The following FBXW7 variants were observed in gnomAD, a reference collection of about 807,000 sequenced individuals.
The protein encoded by FBXW7 is F-box and WD repeat domain containing 7, also known as F-box/WD repeat-containing protein 7.
Under a neutral mutation model 86.3 loss-of-function variants are expected in FBXW7, and 11 were observed. The ratio of observed to expected loss-of-function variants is 0.13; its 90% confidence interval spans 0.08 to 0.21. The LOEUF (loss-of-function observed/expected upper bound fraction) is 0.21. Among genes scored for constraint, FBXW7 ranks in the 10% least tolerant of loss-of-function variants. The pLI is 1.00. For synonymous variants in FBXW7, 313 were observed against 297.9 expected (o/e 1.05, Z -0.52); for missense variants, 488 against 847.4 (o/e 0.58, Z 5.27).
chr4:152,332,985 T>C (rs1239293029), intron 7 of FBXW7, among the ~76,000 whole-genome samples: 2 of 152,084 alleles, frequency 1.3e-5, no homozygotes, highest in African/African-American at 4.8e-5. Context: ...GTCTCTGCTC[T>C]TGCCTTTACT....
At chr4:152,506,138 T>C (rs977699050) in intron 2 of FBXW7, among the ~76,000 whole-genome samples, 4 of 152,160 alleles carry the variant, frequency 2.6e-5, no homozygotes, top group Non-Finnish European at 4.4e-5. Flanking sequence ...GTATGTGCTA[T>C]ACTTTTTTTT....
intron 2 of FBXW7, among the ~76,000 whole-genome samples, chr4:152,474,412 T>C (rs1181507685): frequency 2.6e-5 from 4 of 152,228 alleles, no homozygotes; most frequent in African/African-American, 7.2e-5. Flanking sequence ...GGTAGAAAAG[T>C]TGTAGCCAGC....
At chr4:152,441,412 CTT>C (rs1451675048) in intron 2 of FBXW7, among the ~76,000 whole-genome samples, 1 of 152,126 alleles carries the variant, frequency 6.6e-6, no homozygotes, top group African/African-American at 2.4e-5. Flanking sequence ...AATCTTGTCT[CTT>C]TGTTAATATT....
intron 2 of FBXW7, among the ~76,000 whole-genome samples, chr4:152,494,177 G>A (rs1746103269): frequency 6.6e-6 from 1 of 152,170 alleles, no homozygotes; most frequent in African/African-American, 2.4e-5. Flanking sequence ...ATAAGGTACT[G>A]CAGAGAAAGG....
intron 4 of FBXW7, among the ~76,000 whole-genome samples, chr4:152,350,345 G>C (rs1731686159): frequency 6.6e-6 from 1 of 151,426 alleles, no homozygotes; most frequent in Admixed American, 6.6e-5. Flanking sequence ...TTATCCAGAA[G>C]AACAGTGTGT....
chr4:152,502,976 T>C (rs1747096655), intron 2 of FBXW7, among the ~76,000 whole-genome samples: 1 of 152,214 alleles, frequency 6.6e-6, no homozygotes, highest in Non-Finnish European at 1.5e-5. Flanking sequence ...TTAACAAATC[T>C]GGGCTTGTAA....
intron 2 of FBXW7, among the ~76,000 whole-genome samples, chr4:152,467,840 C>T (rs1223123244): frequency 6.6e-6 from 1 of 152,144 alleles, no homozygotes; most frequent in African/African-American, 2.4e-5. Flanking sequence ...TAAAACTTTT[C>T]TGCTTCAAAG....
chr4:152,430,481 G>C (rs1211453511), intron 2 of FBXW7, among the ~76,000 whole-genome samples: 1 of 151,250 alleles, frequency 6.6e-6, no homozygotes, highest in Non-Finnish European at 1.5e-5. Context: ...TGTACATACA[G>C]AAGGTCTTTA....
chr4:152,490,271 TG>T (rs915225618), intron 2 of FBXW7, among the ~76,000 whole-genome samples: 12 of 152,244 alleles, frequency 7.9e-5, no homozygotes, highest in Admixed American at 2.0e-4. Context: ...CAAAATATTG[TG>T]AATGTACTTG....
At chr4:152,521,531 GAT>G (rs993547781) in intron 2 of FBXW7, among the ~76,000 whole-genome samples, 3 of 152,154 alleles carry the variant, frequency 2.0e-5, no homozygotes, top group Non-Finnish European at 2.9e-5. Context: ...TACAGAAAAT[GAT>G]ATGACTTCCC....
chr4:152,364,641 G>A (rs928528126), intron 4 of FBXW7, among the ~76,000 whole-genome samples: 1 of 152,072 alleles, frequency 6.6e-6, no homozygotes, highest in Non-Finnish European at 1.5e-5. Context: ...AATACATAGA[G>A]CACATGCTTT....
chr4:152,414,387 C>A (rs1423783153), intron 2 of FBXW7, among the ~76,000 whole-genome samples: 2 of 152,032 alleles, frequency 1.3e-5, no homozygotes, highest in Non-Finnish European at 2.9e-5. Context: ...AGAGCTGCAA[C>A]AAGAAGGCAG....
At chr4:152,332,979 C>T (rs1729704718) in intron 7 of FBXW7, among the ~76,000 whole-genome samples, 1 of 152,044 alleles carries the variant, frequency 6.6e-6, no homozygotes, top group Non-Finnish European at 1.5e-5. Flanking sequence ...CTCTCTGTCT[C>T]TGCTCTTGCC....
chr4:152,502,310 G>A (rs986703520), intron 2 of FBXW7, among the ~76,000 whole-genome samples: 1 of 152,086 alleles, frequency 6.6e-6, no homozygotes, highest in Admixed American at 6.6e-5. Flanking sequence ...ACATTTCACT[G>A]TGACCACTGT....
chr4:152,505,082 C>T (rs1375153484), intron 2 of FBXW7, among the ~76,000 whole-genome samples: 1 of 152,126 alleles, frequency 6.6e-6, no homozygotes, highest in Non-Finnish European at 1.5e-5. Context: ...AGGTTACAAA[C>T]CTGTACAGCA....
chr4:152,389,556 G>C (rs533616085), intron 4 of FBXW7, among the ~76,000 whole-genome samples: 1 of 152,152 alleles, frequency 6.6e-6, no homozygotes, highest in African/African-American at 2.4e-5. Context: ...GCTAAGTAAA[G>C]TGTACACATG....
chr4:152,453,846 G>A (rs1350665804), intron 2 of FBXW7, among the ~76,000 whole-genome samples: 1 of 152,030 alleles, frequency 6.6e-6, no homozygotes, highest in Admixed American at 6.6e-5. Flanking sequence ...TTTTCAAAAC[G>A]TGGAGAAAGG....
intron 6 of FBXW7, among the ~76,000 whole-genome samples, chr4:152,343,053 CA>C (rs1560781367): frequency 6.6e-6 from 1 of 152,130 alleles, no homozygotes; most frequent in Admixed American, 6.5e-5. Flanking sequence ...AGAACATGTA[CA>C]ATTTCTAAGT....
intron 4 of FBXW7, among the ~76,000 whole-genome samples, chr4:152,389,266 AG>A (rs1735795580): frequency 6.6e-6 from 1 of 152,136 alleles, no homozygotes; most frequent in Non-Finnish European, 1.5e-5. Context: ...CATTTGATCC[AG>A]CAATCCCACT....
Sources: gnomAD v4.1 joint callset for allele counts (sites outside exome capture counted in the v4.1 genomes callset) on GRCh38, gnomAD v4.1.1 for gene constraint, MANE v1.5 for transcripts, NCBI Gene and HGNC (gene_info 2026-07-23, HGNC 2026-07-21) for gene names.